The following CFAP20DC variants were observed in gnomAD, a reference collection of about 807,000 sequenced individuals.
The protein encoded by CFAP20DC is protein CFAP20DC.
Under a neutral mutation model 101.7 loss-of-function variants are expected in CFAP20DC, and 84 were observed. That is an observed-to-expected ratio of 0.83 (90% CI 0.69 to 0.99). CFAP20DC has a LOEUF of 0.99. Among genes scored for constraint, CFAP20DC ranks in the 50% least tolerant of loss-of-function variants. The pLI, the probability that CFAP20DC is intolerant of heterozygous loss-of-function variation, is 0.00. For missense variants in CFAP20DC, 1,007 were observed against 970.3 expected, an observed-to-expected ratio of 1.04 and a Z score of -0.50; for synonymous variants, 359 against 351.2, an observed-to-expected ratio of 1.02 and a Z score of -0.25.
At chr3:58,814,094 T>G (rs1328387024) in intron 14 of CFAP20DC, among the ~76,000 whole-genome samples, 3 of 151,918 alleles carry the variant, frequency 2.0e-5, no homozygotes, top group East Asian at 1.9e-4. Flanking sequence ...AGGTCTCCAG[T>G]GAATGGACCT....
At chr3:58,999,634 G>C (rs907257089) in intron 4 of CFAP20DC, among the ~76,000 whole-genome samples, 1 of 151,938 alleles carries the variant, frequency 6.6e-6, no homozygotes, top group Non-Finnish European at 1.5e-5. Flanking sequence ...CACTAGAGCT[G>C]ACTCAAAAAG....
intron 4 of CFAP20DC, among the ~76,000 whole-genome samples, chr3:59,035,517 A>G (rs1366100833): frequency 6.6e-6 from 1 of 152,224 alleles, no homozygotes; most frequent in Non-Finnish European, 1.5e-5. Context: ...GGATTTCACC[A>G]CTGATCCCAC....
intron 6 of CFAP20DC, among the ~76,000 whole-genome samples, chr3:58,886,179 T>C (rs951613713): frequency 2.0e-5 from 3 of 152,118 alleles, no homozygotes; most frequent in African/African-American, 2.4e-5. Context: ...TATTCTAAAA[T>C]TAAAAAAATT....
At chr3:58,753,572 G>A (rs543111819) in intron 16 of CFAP20DC, 197 bp downstream of exon 16, 33 of 504,552 alleles carry the variant, frequency 6.5e-5, no homozygotes, top group Non-Finnish European at 1.0e-4. Flanking sequence ...AAGAACAAGG[G>A]TAGTTTCTCT....
chr3:58,931,237 C>T (rs541421922), intron 5 of CFAP20DC, among the ~76,000 whole-genome samples: 1 of 152,164 alleles, frequency 6.6e-6, no homozygotes, highest in South Asian at 2.1e-4. Context: ...GCGCCATTGC[C>T]CAGGCTTGCT....
At chr3:58,920,139 G>A (rs1409876113) in intron 5 of CFAP20DC, among the ~76,000 whole-genome samples, 2 of 127,696 alleles carry the variant, frequency 1.6e-5, no homozygotes, top group Non-Finnish European at 3.1e-5. Context: ...GGAGTGTAGT[G>A]ACATGATCAC....
chr3:58,980,163 A>T lies in CFAP20DC; in HGVS notation c.279-42401T>A, dbSNP rs533955155. Among the ~76,000 whole-genome samples the T allele has an allele frequency of 3.3e-5, 5 of 152,310 alleles. No homozygotes were observed. The South Asian group carries it at 8.3e-4, about 25-fold the overall frequency. Reference sequence around the variant, plus strand: ...AATTCAATGCCATTGGCTTCCCACTACCGAGCTTGATAGCTCTTAATGCCT... The same window carrying T: ...AATTCAATGCCATTGGCTTCCCACTTCCGAGCTTGATAGCTCTTAATGCCT... On this transcript the variant is annotated intron_variant, in intron 4 of 16. Coordinates refer to ENST00000482387, the MANE Select transcript of CFAP20DC (RefSeq NM_001394063.1).
chr3:58,947,187 G>C (rs988901766), intron 4 of CFAP20DC, among the ~76,000 whole-genome samples: 1 of 152,138 alleles, frequency 6.6e-6, no homozygotes, highest in African/African-American at 2.4e-5. Flanking sequence ...GAGAGCAGCA[G>C]GCCTGCAACC....
chr3:58,805,524 T>G (rs974564502), intron 15 of CFAP20DC, among the ~76,000 whole-genome samples: 1 of 152,190 alleles, frequency 6.6e-6, no homozygotes, highest in African/African-American at 2.4e-5. Context: ...CAAAGAGTCT[T>G]AATTCAGACA....
chr3:58,808,063 G>A lies in CFAP20DC; in HGVS notation c.2176-1607C>T, dbSNP rs201938279. The stretch of plus-strand genomic sequence containing the variant: ...AAGCCTCCAAGAAATATGGGACTAC[G>A]TGAAAAGACCAAATCTATGTATGAT... On this transcript the variant is annotated intron_variant, in intron 14 of 16. Transcript: ENST00000482387. 1.7e-4 allele frequency among the ~76,000 whole-genome samples: 26 copies of A among 152,300 alleles called. No homozygotes were observed. The East Asian group carries it at 2.5e-3, about 15-fold the overall frequency.
intron 6 of CFAP20DC, among the ~76,000 whole-genome samples, chr3:58,909,905 C>T (rs986902602): frequency 6.6e-6 from 1 of 152,090 alleles, no homozygotes; most frequent in South Asian, 2.1e-4. Context: ...CCCCAACAGG[C>T]CCCAGTGTGT....
intron 14 of CFAP20DC, 106 bp from the exon 15 acceptor site, chr3:58,806,562 C>G: frequency 1.3e-6 from 1 of 759,748 alleles, no homozygotes. Context: ...ACACAACCCA[C>G]AAGAAGGGTA....
chr3:58,945,729 G>A (rs569683791), intron 4 of CFAP20DC, among the ~76,000 whole-genome samples: 13 of 145,572 alleles, frequency 8.9e-5, no homozygotes, highest in African/African-American at 1.5e-4. Flanking sequence ...ACGGAGTCTC[G>A]TTCTGTCACT....
intron 15 of CFAP20DC, among the ~76,000 whole-genome samples, chr3:58,802,601 G>A (rs1442215748): frequency 6.6e-6 from 1 of 152,124 alleles, no homozygotes; most frequent in African/African-American, 2.4e-5. Flanking sequence ...ATCTAGACAC[G>A]CAAGGGAATA....
intron 4 of CFAP20DC, among the ~76,000 whole-genome samples, chr3:58,963,457 G>A (rs2091314081): frequency 6.6e-6 from 1 of 151,904 alleles, no homozygotes; most frequent in African/African-American, 2.4e-5. Flanking sequence ...TGTGATCACA[G>A]CATGATCAAG....
chr3:59,032,839 C>T (rs2094022872), intron 4 of CFAP20DC, among the ~76,000 whole-genome samples: 1 of 152,268 alleles, frequency 6.6e-6, no homozygotes, highest in East Asian at 1.9e-4. Context: ...GCACAGCACT[C>T]GAGCTCTGCT....
intron 4 of CFAP20DC, among the ~76,000 whole-genome samples, chr3:59,038,141 G>A (rs1292756717): frequency 1.3e-5 from 2 of 152,134 alleles, no homozygotes; most frequent in African/African-American, 4.8e-5. Context: ...TGGGGGGCTA[G>A]GGGAGGGATA....
intron 15 of CFAP20DC, among the ~76,000 whole-genome samples, chr3:58,781,674 A>G (rs114366520): frequency 2.2e-4 from 33 of 152,196 alleles, no homozygotes; most frequent in African/African-American, 7.9e-4. Context: ...ATAACAAACT[A>G]GAAAACCTAG....
intron 7 of CFAP20DC, among the ~76,000 whole-genome samples, chr3:58,875,407 T>C (rs539177988): frequency 6.6e-6 from 1 of 152,304 alleles, no homozygotes; most frequent in African/African-American, 2.4e-5. Context: ...AGACTATTCA[T>C]TTGGTTCTCA....
Sources: allele counts gnomAD v4.1 joint callset (sites outside exome capture counted in the v4.1 genomes callset), GRCh38; gene constraint gnomAD v4.1.1; transcripts MANE v1.5; gene names NCBI Gene and HGNC (gene_info 2026-07-23, HGNC 2026-07-21).